HMGXB3: variants seen among roughly 807,000 people sequenced by gnomAD.
HMGXB3 encodes the protein HMG domain-containing protein 3.
Under a neutral mutation model 121.5 loss-of-function variants are expected in HMGXB3, and 45 were observed. The observed-to-expected ratio is 0.37, with a 90% CI of 0.29 to 0.47. The LOEUF is 0.47. HMGXB3 is among the 20% of genes least tolerant of loss of function. HMGXB3 has a pLI of 0.99. For synonymous variants in HMGXB3, 590 were observed against 624.1 expected, an observed-to-expected ratio of 0.95 and a Z score of 0.81; for missense variants, 1,376 against 1,602.2, an observed-to-expected ratio of 0.86 and a Z score of 2.41.
At chr5:150,050,200 C>T in intron 18 of HMGXB3, 52 bp from the exon 19 acceptor site, 1 of 1,444,596 alleles carries the variant, frequency 6.9e-7, no homozygotes, top group South Asian at 1.2e-5. Context: ...TGTACACTCT[C>T]TGCAGACTGG....
intron 5 of HMGXB3, among the ~76,000 whole-genome samples, chr5:150,012,638 A>G (rs1257284849): frequency 6.6e-6 from 1 of 152,170 alleles, no homozygotes; most frequent in East Asian, 1.9e-4. Flanking sequence ...CATGACTTTT[A>G]TAAAATTTTC....
chr5:150,036,828 G>A lies in HMGXB3; in HGVS notation c.2176G>A (p.Val726Met), dbSNP rs753841260. Residue 726 changes from valine to methionine, a missense_variant, in exon 12 of 20, where the codon GTG (valine) becomes ATG (methionine). Val to Met is a conservative substitution (Grantham distance 21). Coordinates refer to ENST00000502717, the MANE Select transcript of HMGXB3 (RefSeq NM_014983.3). ...CAGCTCTCGACTTATCTTGTCCAAC[G>A]TGAGTGAGGAGACAGTCACCATCGA... ...LNSSRLILSN[V>M]SEETVTIEQT... The A allele has an allele frequency of 1.3e-5, 20 of 1,551,690 alleles. 1 individual carries two copies. The highest frequency in any genetic ancestry group is 2.4e-5 in the South Asian group (2 of 84,060).
At chr5:150,026,553 A>T (rs1207927036) in intron 7 of HMGXB3, among the ~76,000 whole-genome samples, 153 bp from the exon 8 acceptor site, 1 of 152,246 alleles carries the variant, frequency 6.6e-6, no homozygotes, top group African/African-American at 2.4e-5. Flanking sequence ...AGGGCCACAC[A>T]GCTATTTAGT....
rs1384567851 is a variant in HMGXB3 at position 150,051,965 on chromosome 5, C to T, written c.3652C>T (p.Arg1218Trp). The T allele has an allele frequency of 1.8e-5, 28 of 1,552,216 alleles. No homozygotes were observed. Among genetic ancestry groups the T allele is most frequent in the South Asian group, 3.6e-5 (3 of 84,062 alleles). Reference sequence around the variant, plus strand: ...CAGCAAACCAAACGGTGTCCGCCAGCGGCCCATTGCCTTCGACAATGCCAC... The same window carrying T: ...CAGCAAACCAAACGGTGTCCGCCAGTGGCCCATTGCCTTCGACAATGCCAC... The part of the protein sequence containing the change: ...VDSKPNGVRQ[R>W]PIAFDNATHY... Residue 1218 changes from arginine to tryptophan, a missense_variant, in exon 20 of 20, where the codon CGG (arginine) becomes TGG (tryptophan). Around this residue, in one of 2 missense-constraint regions of HMGXB3, gnomAD observed 260 missense variants for 233.2 expected, o/e 1.11. Transcript: ENST00000502717.
chr5:150,002,685 T>C (rs1418084577), intron 1 of HMGXB3, among the ~76,000 whole-genome samples: 2 of 151,748 alleles, frequency 1.3e-5, no homozygotes, highest in East Asian at 1.9e-4. Context: ...CTAACTCTTC[T>C]TGAACTGGTT....
intron 7 of HMGXB3, among the ~76,000 whole-genome samples, chr5:150,025,932 G>T (rs953044504): frequency 2.0e-5 from 3 of 151,566 alleles, no homozygotes; most frequent in Non-Finnish European, 4.4e-5. Context: ...CCGGGTCCAT[G>T]CCATTCTCCT....
intron 7 of HMGXB3, among the ~76,000 whole-genome samples, chr5:150,025,844 G>C (rs911372558): frequency 6.6e-6 from 1 of 150,554 alleles, no homozygotes; most frequent in Non-Finnish European, 1.5e-5. Flanking sequence ...AATACATCTT[G>C]CTTTTTTTTG....
intron 14 of HMGXB3, 29 bp downstream of exon 14, chr5:150,040,908 G>T (rs1377242813): frequency 6.5e-7 from 1 of 1,530,482 alleles, no homozygotes; most frequent in Non-Finnish European, 8.8e-7. Context: ...CCTTTCCCAA[G>T]GTTAGTCCTA....
Position 150,018,640 on chromosome 5 carries a change from C to T in HMGXB3, c.984C>T (p.His328=), listed in dbSNP as rs201477932. The change falls in exon 6 of 20, where the codon CAC becomes CAT. Residue 328 remains histidine (H), a synonymous_variant. Transcript: ENST00000502717. ...PGCSFTYVTR[H]KPPKCPTCGN... ...GCTCCTTTACATATGTCACCAGGCA[C>T]AAGCCACCTAAGTGCCCTACCTGTG... 35 of 1,551,148 alleles carry T rather than the reference C, an allele frequency of 2.3e-5. No homozygotes were observed. The Middle Eastern group carries it at 5.0e-4, about 22-fold the overall frequency.
intron 13 of HMGXB3, among the ~76,000 whole-genome samples, chr5:150,038,480 G>C (rs1310156760): frequency 1.3e-5 from 2 of 152,188 alleles, no homozygotes; most frequent in African/African-American, 2.4e-5. Flanking sequence ...ATGTAGTTAA[G>C]TGTGTTGCTC....
intron 15 of HMGXB3, 86 bp from the exon 16 acceptor site, chr5:150,045,380 C>T (rs1209798329): frequency 1.4e-5 from 16 of 1,151,528 alleles, no homozygotes; most frequent in Non-Finnish European, 2.0e-5. Context: ...CTTGGCTTCC[C>T]TGTGTGTATA....
intron 9 of HMGXB3, chr5:150,030,420 C>G: frequency 5.0e-6 from 1 of 198,188 alleles, no homozygotes; most frequent in Non-Finnish European, 1.0e-5. Flanking sequence ...TCTTTCTATG[C>G]AAAGTTGTTC....
chr5:150,029,455 C>G (rs1409050804), intron 9 of HMGXB3, among the ~76,000 whole-genome samples: 1 of 151,764 alleles, frequency 6.6e-6, no homozygotes, highest in Non-Finnish European at 1.5e-5. Flanking sequence ...AAAAGGATCT[C>G]TCAAAATTTC....
At chr5:150,002,209 A>T (rs566524596) in intron 1 of HMGXB3, among the ~76,000 whole-genome samples, 1 of 152,322 alleles carries the variant, frequency 6.6e-6, no homozygotes, top group South Asian at 2.1e-4. Context: ...GGTGAAATAC[A>T]GTGTGTCTGC....
chr5:150,050,791 GTT>G (rs1285348784), intron 19 of HMGXB3, among the ~76,000 whole-genome samples: 2 of 152,196 alleles, frequency 1.3e-5, no homozygotes, highest in African/African-American at 4.8e-5. Context: ...TACTCCGTAA[GTT>G]TTTACTGACC....
intron 1 of HMGXB3, among the ~76,000 whole-genome samples, 181 bp downstream of exon 1, chr5:150,001,360 T>A (rs1422871949): frequency 6.6e-6 from 1 of 152,218 alleles, no homozygotes; most frequent in Non-Finnish European, 1.5e-5. Context: ...CAAGACTTTG[T>A]CTGGTTTGGC....
chr5:150,023,292 T>A (rs889084922), intron 6 of HMGXB3, among the ~76,000 whole-genome samples: 5 of 152,166 alleles, frequency 3.3e-5, no homozygotes, highest in Non-Finnish European at 5.9e-5. Context: ...ACTATAGAAT[T>A]AGGTCACCCA....
At chr5:150,027,451 C>T (rs1269596698) in intron 9 of HMGXB3, among the ~76,000 whole-genome samples, 3 of 152,088 alleles carry the variant, frequency 2.0e-5, no homozygotes, top group African/African-American at 7.2e-5. Flanking sequence ...CATGTGTGTC[C>T]CCCCACCATA....
chr5:150,042,010 T>G (rs1183896371), intron 15 of HMGXB3, 41 bp downstream of exon 15: 16 of 1,516,416 alleles, frequency 1.1e-5, no homozygotes, highest in Non-Finnish European at 1.4e-5. Context: ...TGCGGAATTT[T>G]CTCATTTTGG....
Sources: allele counts gnomAD v4.1 joint callset (sites outside exome capture counted in the v4.1 genomes callset), GRCh38; gene constraint gnomAD v4.1.1; regional missense constraint gnomAD v4.1.1; transcripts MANE v1.5; gene names NCBI Gene and HGNC (gene_info 2026-07-23, HGNC 2026-07-21).